Variants in EYS observed in about 807,000 individuals in gnomAD.
EYS encodes protein eyes shut homolog.
EYS carries 250 observed loss-of-function variants against 282.1 expected under a neutral mutation model. That is an observed-to-expected ratio of 0.89 (90% CI 0.80 to 0.98). The LOEUF is 0.98. Ranked by LOEUF, EYS falls within the 50% of genes least tolerant of loss-of-function variation. The probability of loss-of-function intolerance (pLI) is 0.00; values close to 1 mark genes in which losing one functional copy is unlikely to be tolerated. For synonymous variants in EYS, 1,355 were observed against 1,282.9 expected, an observed-to-expected ratio of 1.06 and a Z score of -1.20; for missense variants, 4,016 against 3,709.0, an observed-to-expected ratio of 1.08 and a Z score of -2.15.
intron 30 of EYS, among the ~76,000 whole-genome samples, chr6:64,281,071 T>C (rs1034371669): frequency 2.0e-5 from 3 of 152,142 alleles, no homozygotes; most frequent in Non-Finnish European, 2.9e-5. Flanking sequence ...GTTTCTGCTA[T>C]GGAATTATTT....
chr6:65,310,072 G>A (rs530389604), intron 11 of EYS, among the ~76,000 whole-genome samples: 2 of 152,084 alleles, frequency 1.3e-5, no homozygotes. Context: ...GGCTGGGCGT[G>A]GTGGCTCATG....
chr6:65,047,961 G>A (rs1306161244), intron 13 of EYS, among the ~76,000 whole-genome samples: 1 of 151,744 alleles, frequency 6.6e-6, no homozygotes, highest in African/African-American at 2.4e-5. Flanking sequence ...AGGGAAATGA[G>A]GTGATAAATG....
intron 22 of EYS, among the ~76,000 whole-genome samples, chr6:64,673,841 T>C (rs9363082): frequency 0.015 from 2,294 of 152,142 alleles, 48 homozygotes; most frequent in East Asian, 0.11. Flanking sequence ...TAGGAAAAAG[T>C]AACAGTTAAA....
intron 15 of EYS, among the ~76,000 whole-genome samples, chr6:64,934,981 A>G (rs1352534341): frequency 6.6e-6 from 1 of 151,842 alleles, no homozygotes; most frequent in Non-Finnish European, 1.5e-5. Context: ...ATAAGATATA[A>G]TTTGTATCAC....
intron 37 of EYS, among the ~76,000 whole-genome samples, chr6:63,803,234 A>G (rs1002601914): frequency 6.7e-6 from 1 of 148,858 alleles, no homozygotes; most frequent in Non-Finnish European, 1.5e-5. Context: ...ATTCATTTGA[A>G]GTTTTCATTT....
chr6:64,664,698 GGCCAGAGGGA>G (rs1370657946), intron 22 of EYS, among the ~76,000 whole-genome samples: 1 of 152,148 alleles, frequency 6.6e-6, no homozygotes, highest in Non-Finnish European at 1.5e-5. Context: ...TTATGAAAGA[GGCCAGAGGGA>G]GCTCATTTGA....
intron 19 of EYS, among the ~76,000 whole-genome samples, chr6:64,823,520 C>A (rs539930569): frequency 2.0e-5 from 3 of 151,848 alleles, no homozygotes; most frequent in Admixed American, 2.0e-4. Flanking sequence ...AGCACAGAAC[C>A]ATTGTAGAAT....
intron 12 of EYS, among the ~76,000 whole-genome samples, chr6:65,209,531 A>C (rs1766120418): frequency 6.6e-6 from 1 of 151,826 alleles, no homozygotes; most frequent in Non-Finnish European, 1.5e-5. Flanking sequence ...GGCCCAATTT[A>C]ATGTTTTATG....
At chr6:65,598,087 G>A (rs569131074) in intron 2 of EYS, among the ~76,000 whole-genome samples, 4 of 151,364 alleles carry the variant, frequency 2.6e-5, no homozygotes, top group East Asian at 2.0e-4. Flanking sequence ...GCAACAGAAC[G>A]AAACCTTGTC....
At chr6:65,491,588 C>T (rs1342745093) in intron 4 of EYS, 1 of 428,742 alleles carries the variant, frequency 2.3e-6, no homozygotes, top group Admixed American at 2.5e-5. Context: ...CTCCAAGCAA[C>T]CCTAAATGTA....
intron 30 of EYS, among the ~76,000 whole-genome samples, chr6:64,253,647 C>T (rs1291820558): frequency 6.6e-6 from 1 of 152,166 alleles, no homozygotes; most frequent in Non-Finnish European, 1.5e-5. Flanking sequence ...CTGGCCCTCA[C>T]ATGCCATCAT....
intron 41 of EYS, among the ~76,000 whole-genome samples, chr6:63,733,234 C>G (rs60289981): frequency 6.6e-6 from 1 of 152,086 alleles, no homozygotes; most frequent in South Asian, 2.1e-4. Context: ...CTGAGACTTT[C>G]ACCTACTGGC....
At chr6:65,563,402 T>C (rs1048613010) in intron 2 of EYS, among the ~76,000 whole-genome samples, 4 of 152,102 alleles carry the variant, frequency 2.6e-5, no homozygotes, top group African/African-American at 7.2e-5. Flanking sequence ...TATAAAACTA[T>C]GTTATATTTT....
chr6:64,808,560 G>C (rs1389729460), intron 22 of EYS, among the ~76,000 whole-genome samples: 1 of 151,148 alleles, frequency 6.6e-6, no homozygotes, highest in African/African-American at 2.4e-5. Flanking sequence ...AAATGTGCCT[G>C]AGAACGTTAG....
chr6:64,568,066 A>G (rs2149815610), intron 26 of EYS, among the ~76,000 whole-genome samples: 1 of 152,278 alleles, frequency 6.6e-6, no homozygotes, highest in Admixed American at 6.5e-5. Context: ...AATAAATAGA[A>G]TTTTCTGTGT....
intron 2 of EYS, among the ~76,000 whole-genome samples, chr6:65,600,368 C>T (rs1447206955): frequency 6.6e-6 from 1 of 152,032 alleles, no homozygotes; most frequent in Non-Finnish European, 1.5e-5. Context: ...GGACTATGGG[C>T]AAGAGTTTTC....
chr6:65,641,218 G>T (rs1391706695), intron 1 of EYS, among the ~76,000 whole-genome samples: 1 of 152,216 alleles, frequency 6.6e-6, no homozygotes, highest in African/African-American at 2.4e-5. Context: ...GTGTTAGGCT[G>T]TAAGAACCAG....
intron 31 of EYS, among the ~76,000 whole-genome samples, chr6:64,103,527 T>C (rs564431583): frequency 1.3e-5 from 2 of 152,168 alleles, no homozygotes; most frequent in African/African-American, 2.4e-5. Context: ...GGAAGGTACA[T>C]TGAGAAAAGT....
intron 31 of EYS, among the ~76,000 whole-genome samples, chr6:64,118,193 G>C (rs1246335176): frequency 6.6e-6 from 1 of 151,976 alleles, no homozygotes; most frequent in Non-Finnish European, 1.5e-5. Flanking sequence ...ATAAAACTAT[G>C]CTGAAAATTT....
Sources: allele counts gnomAD v4.1 joint callset (sites outside exome capture counted in the v4.1 genomes callset), GRCh38; gene constraint gnomAD v4.1.1; transcripts MANE v1.5; gene names NCBI Gene and HGNC (gene_info 2026-07-23, HGNC 2026-07-21).